The following MAPKBP1 variants were observed in gnomAD, a reference collection of about 807,000 sequenced individuals.
MAPKBP1 encodes mitogen-activated protein kinase binding protein 1, also known as mitogen-activated protein kinase-binding protein 1.
In MAPKBP1, 71 loss-of-function variants were observed where a neutral mutation model predicts 170.5. The ratio of observed to expected loss-of-function variants is 0.42; its 90% CI spans 0.34 to 0.51. The LOEUF (loss-of-function observed/expected upper bound fraction) is 0.51, where lower values mean the gene tolerates loss of function less well. MAPKBP1 is among the 20% of genes least tolerant of loss of function. MAPKBP1 has a pLI of 0.06. For synonymous variants in MAPKBP1, 719 were observed against 757.9 expected (o/e 0.95, Z 0.84); for missense variants, 1,598 against 1,933.0 (o/e 0.83, Z 3.25).
chr15:41,813,218 A>T (rs921907586), intron 8 of MAPKBP1, 117 bp downstream of exon 8: 6 of 1,519,012 alleles, frequency 3.9e-6, no homozygotes, highest in Non-Finnish European at 3.6e-6. Context: ...ATCCCAGGAG[A>T]ACGAAGCTTG....
rs905920313 is a variant in MAPKBP1 at position 41,826,311 on chromosome 15, G to C, written c.*875G>C. On this transcript the variant is annotated 3_prime_UTR_variant, in exon 31 of 31. Coordinates refer to ENST00000457542, the MANE Select transcript of MAPKBP1 (RefSeq NM_014994.3). The stretch of plus-strand genomic sequence containing the variant: ...TGATGCTTAGTCAGAAGCCTGTGTT[G>C]GAACATCCCTCGTTTACGGGGCGCT... 1 of 152,580 alleles carries C rather than the reference G, an allele frequency of 6.6e-6. No homozygotes were observed. Among genetic ancestry groups the C allele is most frequent in the South Asian group, 2.1e-4 (1 of 4,832 alleles). 9.5% of individuals were successfully genotyped at this position (152,580 alleles called of 1,614,324 possible). A position where few individuals can be genotyped will look rare whatever the true frequency, so the allele number is the denominator to read the frequency against.
intron 10 of MAPKBP1, 134 bp from the exon 11 acceptor site, chr15:41,815,125 G>GT: frequency 9.9e-7 from 1 of 1,007,090 alleles, no homozygotes; most frequent in Non-Finnish European, 1.5e-6. Flanking sequence ...TACCAGTTAT[G>GT]TATGGCCTGT....
At chr15:41,791,104 A>G (rs1235886484) in intron 2 of MAPKBP1, among the ~76,000 whole-genome samples, 7 of 152,202 alleles carry the variant, frequency 4.6e-5, no homozygotes, top group African/African-American at 1.7e-4. Context: ...GGTCTCTGAC[A>G]TGCTTGTTTA....
intron 27 of MAPKBP1, 128 bp downstream of exon 27, chr15:41,822,805 C>T: frequency 6.8e-7 from 1 of 1,461,730 alleles, no homozygotes; most frequent in Non-Finnish European, 9.4e-7. Context: ...TTTGGGCTAA[C>T]TGGCCTTTCC....
intron 5 of MAPKBP1, chr15:41,811,614 T>A: frequency 1.6e-6 from 1 of 615,350 alleles, no homozygotes; most frequent in Non-Finnish European, 3.0e-6. Flanking sequence ...GAGGAACGCT[T>A]CTGTCCTGGC....
chr15:41,784,675 G>A (rs2064251119), intron 2 of MAPKBP1, among the ~76,000 whole-genome samples: 2 of 151,276 alleles, frequency 1.3e-5, no homozygotes, highest in South Asian at 2.1e-4. Context: ...CCAGCTACTC[G>A]GGAGGCTGAG....
intron 3 of MAPKBP1, among the ~76,000 whole-genome samples, chr15:41,807,058 GT>G (rs1383731528): frequency 6.6e-6 from 1 of 152,216 alleles, no homozygotes; most frequent in Non-Finnish European, 1.5e-5. Context: ...AATAAAAATA[GT>G]TGCTTAAGGG....
chr15:41,819,009 G>A, intron 20 of MAPKBP1, 52 bp downstream of exon 20: 1 of 1,602,918 alleles, frequency 6.2e-7, no homozygotes, highest in Non-Finnish European at 8.5e-7. Flanking sequence ...TGGCTTGCTG[G>A]GACCTCACTG....
Position 41,822,088 on chromosome 15 carries a change from C to T in MAPKBP1, c.3009C>T (p.Ser1003=), listed in dbSNP as rs1468875584. Residue 1003 remains serine, a synonymous_variant, in exon 25 of 31, where the codon TCC becomes TCT. Transcript: ENST00000457542. ...CSVDYSSSCL[S]SPEHPTEDSE... ...TGGATTACAGCAGCAGCTGCCTTTC[C>T]AGCCCGGAGCACCCCACTGAAGGTG... The T allele has an allele frequency of 1.1e-5, 18 of 1,607,498 alleles. No homozygotes were observed. The highest frequency in any genetic ancestry group is 1.5e-5 in the Non-Finnish European group (18 of 1,176,882).
At chr15:41,789,185 G>A (rs2064350553) in intron 2 of MAPKBP1, among the ~76,000 whole-genome samples, 1 of 152,070 alleles carries the variant, frequency 6.6e-6, no homozygotes, top group Admixed American at 6.6e-5. Flanking sequence ...AAGAAAATCA[G>A]GTGTGTAGAG....
chr15:41,791,923 C>T lies in MAPKBP1; in HGVS notation c.115-7900C>T, dbSNP rs551228716. Among the ~76,000 whole-genome samples, 7 of 151,892 alleles carry T rather than the reference C, an allele frequency of 4.6e-5. No homozygotes were observed. In the South Asian group the frequency reaches 6.3e-4, roughly 14 times the overall value. On this transcript the variant is annotated intron_variant, in intron 2 of 30. Transcript: ENST00000457542. ...ATATAAAATTAGCCAGGTGTGGTGG[C>T]GCATGCCTGTAATCCCAGCTACTTG...
intron 2 of MAPKBP1, among the ~76,000 whole-genome samples, chr15:41,775,639 A>C (rs1285786330): frequency 2.0e-5 from 3 of 152,242 alleles, no homozygotes; most frequent in Non-Finnish European, 4.4e-5. Context: ...TTGTGGCCTC[A>C]CTATACACTA....
Position 41,817,494 on chromosome 15 carries a change from AG to A in MAPKBP1, c.1782+39del, listed in dbSNP as rs780880439. The A allele has an allele frequency of 5.7e-5, 37 of 644,730 alleles. No individual in the cohort carries two copies. The highest frequency in any genetic ancestry group is 9.7e-5 in the Non-Finnish European group (35 of 362,212). 39.9% of individuals were successfully genotyped at this position (644,730 alleles called of 1,614,324 possible). A position where few individuals can be genotyped will look rare whatever the true frequency, so the allele number is the denominator to read the frequency against. ...TGGGCTTTCCTGAGAGGGGCGGGACAGGGCGGGGTCTGCCATTCCCTGCCTA... is the reference window on the plus strand; with the variant it reads ...TGGGCTTTCCTGAGAGGGGCGGGACAGGCGGGGTCTGCCATTCCCTGCCTA... On this transcript the variant is annotated intron_variant, in intron 15 of 30. Coordinates refer to ENST00000457542, the MANE Select transcript of MAPKBP1 (RefSeq NM_014994.3). The surrounding 1 kb of genome is among the most constrained non-coding windows in gnomAD (Gnocchi z 4.2).
At position 41,812,571 on chromosome 15, in the gene MAPKBP1, T is replaced by A. The variant is rs745611950; in HGVS notation, c.554T>A (p.Phe185Tyr). The change falls in exon 7 of 31, where the codon TTC becomes TAC. Residue 185 changes from phenylalanine to tyrosine, a missense_variant. Transcript: ENST00000457542. ...KVSSRVTAVS[F>Y]SEDCSYFVTA... ...TCCAGTCGGGTGACAGCAGTGTCCT[T>A]CTCTGAGGATTGCAGCTACTTTGTC... The A allele has an allele frequency of 6.2e-7, 1 of 1,614,150 alleles. No homozygotes were observed. The highest frequency in any genetic ancestry group is 8.5e-7 in the Non-Finnish European group (1 of 1,180,030).
At chr15:41,798,314 G>T (rs545090700) in intron 2 of MAPKBP1, among the ~76,000 whole-genome samples, 5 of 148,828 alleles carry the variant, frequency 3.4e-5, no homozygotes, top group Non-Finnish European at 5.9e-5. Flanking sequence ...ATGGCGTCTC[G>T]CTGTGTCACC....
chr15:41,786,047 A>G (rs2152069246), intron 2 of MAPKBP1, among the ~76,000 whole-genome samples: 1 of 152,342 alleles, frequency 6.6e-6, no homozygotes, highest in Admixed American at 6.5e-5. Context: ...CCTGCCAGAA[A>G]GAATGAGGTT....
Position 41,818,835 on chromosome 15 carries a change from G to T in MAPKBP1, c.2169G>T (p.Val723=). The change falls in exon 20 of 31, where the codon GTG becomes GTT. Residue 723 remains valine (V), a synonymous_variant. Transcript: ENST00000457542. The surrounding 1 kb of genome is among the most constrained non-coding windows in gnomAD (Gnocchi z 5.2). ...GGCTTTACCCCAGCTGCATATTTGT[G>T]TGGCGCCTGAGCTCTGAGATGACCA... ...ISVSGDSCIF[V]WRLSSEMTIS... is the part of the protein sequence containing the mutation. The T allele has an allele frequency of 1.2e-6, 2 of 1,614,090 alleles. No individual in the cohort carries two copies. Among genetic ancestry groups the T allele is most frequent in the Non-Finnish European group, 1.7e-6 (2 of 1,179,932 alleles).
At chr15:41,816,691 C>G in intron 13 of MAPKBP1, 41 bp downstream of exon 13, 2 of 1,566,512 alleles carry the variant, frequency 1.3e-6, no homozygotes, top group South Asian at 2.2e-5. Flanking sequence ...TCCTCCAGTC[C>G]TGCCGGTGCC....
At chr15:41,824,141 C>G in intron 29 of MAPKBP1, 80 bp downstream of exon 29, 1 of 1,501,348 alleles carries the variant, frequency 6.7e-7, no homozygotes, top group Non-Finnish European at 8.9e-7. Context: ...GGCTCCATCC[C>G]ATTTCTGTGG....
Sources: gnomAD v4.1 joint callset for allele counts (sites outside exome capture counted in the v4.1 genomes callset) on GRCh38, gnomAD v4.1.1 for gene constraint, Gnocchi (gnomAD v3.1) non-coding constraint, MANE v1.5 for transcripts, NCBI Gene and HGNC (gene_info 2026-07-23, HGNC 2026-07-21) for gene names.